Variants in PEBP4 observed in about 807,000 individuals in gnomAD.
The protein encoded by PEBP4 is phosphatidylethanolamine binding protein 4.
Under a neutral mutation model 23.9 loss-of-function variants are expected in PEBP4, and 22 were observed. The observed-to-expected ratio is 0.92, with a 90% CI of 0.66 to 1.31. PEBP4 has a LOEUF of 1.31. Among genes scored for constraint, PEBP4 ranks in the 40% most tolerant of loss-of-function variants. PEBP4 has a pLI of 0.00. For synonymous variants in PEBP4, 112 were observed against 99.3 expected (o/e 1.13, Z -0.76); for missense variants, 324 against 281.7 (o/e 1.15, Z -1.07).
At chr8:22,873,848 T>C (rs908288617) in intron 3 of PEBP4, among the ~76,000 whole-genome samples, 10 of 152,138 alleles carry the variant, frequency 6.6e-5, no homozygotes, top group Admixed American at 5.2e-4. Context: ...ATCTTGATCT[T>C]GGGGGTGTTA....
chr8:22,813,034 C>T (rs1806665319), intron 4 of PEBP4, among the ~76,000 whole-genome samples: 2 of 152,326 alleles, frequency 1.3e-5, no homozygotes, highest in South Asian at 2.1e-4. Context: ...GTGCTACCCA[C>T]ATAACTAGAA....
In PEBP4 at chr8:22,865,077, CAGACGCCG is replaced by C. The variant is rs1336039992; in HGVS notation, c.259-47350_259-47343del. Among the ~76,000 whole-genome samples the C allele has an allele frequency of 6.6e-6, 1 of 152,092 alleles. No individual in the cohort carries two copies. Among genetic ancestry groups the C allele is most frequent in the Non-Finnish European group, 1.5e-5 (1 of 67,996 alleles). On this transcript the variant is annotated intron_variant, in intron 3 of 6. Transcript: ENST00000256404. The surrounding 1 kb of genome is among the most constrained non-coding windows in gnomAD (Gnocchi z 6.9). ...GTCACCAGGCGGGGACCTGCAGGGCCAGACGCCGAGCCCTGGATGCGAGGTGGGGGTAG... is the reference window on the plus strand; with the variant it reads ...GTCACCAGGCGGGGACCTGCAGGGCCAGCCCTGGATGCGAGGTGGGGGTAG...
chr8:22,793,789 A>G (rs1806189007), intron 4 of PEBP4, among the ~76,000 whole-genome samples: 1 of 152,108 alleles, frequency 6.6e-6, no homozygotes, highest in Admixed American at 6.5e-5. Flanking sequence ...TTCTTTATAT[A>G]AATTTAGTGT....
chr8:22,854,003 G>T (rs75852899), intron 3 of PEBP4, among the ~76,000 whole-genome samples: 1 of 152,156 alleles, frequency 6.6e-6, no homozygotes, highest in African/African-American at 2.4e-5. Flanking sequence ...ACCAAAAAAA[G>T]AAATTCATAT....
intron 2 of PEBP4, among the ~76,000 whole-genome samples, chr8:22,926,161 A>G (rs2466223): frequency 0.25 from 38,107 of 151,284 alleles, 5,377 homozygotes; most frequent in East Asian, 0.46. Flanking sequence ...TATTTTTAGT[A>G]GAGACAGGGT....
At position 22,724,975 on chromosome 8, in the gene PEBP4, G is replaced by A; in HGVS notation, c.404-19C>T. On this transcript the variant is annotated intron_variant, in intron 5 of 6. Coordinates refer to ENST00000256404, the MANE Select transcript of PEBP4 (RefSeq NM_144962.3). The stretch of plus-strand genomic sequence containing the variant: ...TGGTAGGCTATAGGTAGAAGCAGGA[G>A]AGAGGTGAGCATCAACATCCCATAC... The A allele has an allele frequency of 6.3e-7, 1 of 1,582,642 alleles. No individual in the cohort carries two copies. Among genetic ancestry groups the A allele is most frequent in the Non-Finnish European group, 8.7e-7 (1 of 1,151,988 alleles).
At chr8:22,731,659 A>G (rs1804736215) in intron 4 of PEBP4, among the ~76,000 whole-genome samples, 1 of 150,004 alleles carries the variant, frequency 6.7e-6, no homozygotes, top group Non-Finnish European at 1.5e-5. Context: ...CTATCTATTT[A>G]TTTATTTATT....
intron 1 of PEBP4, among the ~76,000 whole-genome samples, chr8:22,936,294 A>G (rs1206794186): frequency 6.6e-6 from 1 of 152,040 alleles, no homozygotes; most frequent in African/African-American, 2.4e-5. Flanking sequence ...AAAAAGGGTG[A>G]TAAGAGATTA....
At chr8:22,891,598 G>T (rs1470259696) in intron 3 of PEBP4, among the ~76,000 whole-genome samples, 4 of 152,222 alleles carry the variant, frequency 2.6e-5, no homozygotes, top group African/African-American at 9.6e-5. Context: ...GGGTCCTGTG[G>T]GCAAATGTTC....
At chr8:22,789,960 G>T (rs117236846) in intron 4 of PEBP4, among the ~76,000 whole-genome samples, 1 of 152,270 alleles carries the variant, frequency 6.6e-6, no homozygotes, top group East Asian at 1.9e-4. Context: ...AGGGTGTTGG[G>T]CCTGGCCTTC....
In PEBP4 at chr8:22,726,002, TG is replaced by T. The variant is rs1804617077; in HGVS notation, c.404-1047del. ...TTTTGGATCGCAGATCAGATATATG[TG>T]TGTGTGTGTGTGTGTGTGTGTGTGT... is the stretch of plus-strand genomic sequence containing the variant. On this transcript the variant is annotated intron_variant, in intron 5 of 6. Coordinates refer to ENST00000256404, the MANE Select transcript of PEBP4 (RefSeq NM_144962.3). 3.4e-5 allele frequency among the ~76,000 whole-genome samples: 4 copies of T among 118,620 alleles called. No homozygotes were observed. In the East Asian group the frequency reaches 8.8e-4, roughly 26 times the overall value. The allele number at this position is 118,620 out of a possible 152,430, so 77.8% of individuals were successfully genotyped here.
chr8:22,921,508 CCCTCCCACCTTCCA>C (rs1809199627), intron 2 of PEBP4, among the ~76,000 whole-genome samples: 1 of 152,132 alleles, frequency 6.6e-6, no homozygotes, highest in Non-Finnish European at 1.5e-5. Flanking sequence ...CCTGCATTGC[CCCTCCCACCTTCCA>C]CCTCCCACCC....
At chr8:22,916,054 G>A (rs1328485303) in intron 3 of PEBP4, among the ~76,000 whole-genome samples, 4 of 152,196 alleles carry the variant, frequency 2.6e-5, no homozygotes, top group African/African-American at 9.7e-5. Context: ...GGTGGATAGG[G>A]CACTCAGGGC....
intron 3 of PEBP4, among the ~76,000 whole-genome samples, chr8:22,830,919 A>G (rs958339943): frequency 2.6e-5 from 4 of 152,226 alleles, no homozygotes; most frequent in African/African-American, 9.6e-5. Flanking sequence ...CAAATAGATT[A>G]TGTGATCCTG....
intron 4 of PEBP4, among the ~76,000 whole-genome samples, chr8:22,732,100 C>G: frequency 6.6e-6 from 1 of 152,002 alleles, no homozygotes; most frequent in African/African-American, 2.4e-5. Context: ...GAGAGCAGAC[C>G]AGGAACACCG....
At chr8:22,714,120 G>T (rs1165604519) in intron 6 of PEBP4, among the ~76,000 whole-genome samples, 1 of 152,246 alleles carries the variant, frequency 6.6e-6, no homozygotes, top group Non-Finnish European at 1.5e-5. Flanking sequence ...TGGAGGGGCA[G>T]CCCCTGGACC....
intron 3 of PEBP4, among the ~76,000 whole-genome samples, chr8:22,824,039 A>G (rs1376677833): frequency 6.6e-6 from 1 of 152,194 alleles, no homozygotes; most frequent in Non-Finnish European, 1.5e-5. Flanking sequence ...CTATAATGTC[A>G]TTGTCTATTT....
chr8:22,807,187 A>G (rs1806513643), intron 4 of PEBP4, among the ~76,000 whole-genome samples: 1 of 152,210 alleles, frequency 6.6e-6, no homozygotes. Context: ...CATTTAAAGC[A>G]ATGGCATGTT....
rs189380395 is a variant in PEBP4, at chr8:22,862,993, G to A, written c.259-45258C>T. On this transcript the variant is annotated intron_variant, in intron 3 of 6. Transcript: ENST00000256404. ...TTTTTTTGTATTTTTAGTAGAGATG[G>A]GTTTCACCATGTTAGCCAGGATGGT... Among the ~76,000 whole-genome samples the A allele has an allele frequency of 6.0e-3, 908 of 152,032 alleles. 6 individuals carry two copies. The highest frequency in any genetic ancestry group is 0.01 in the Non-Finnish European group (685 of 67,994).
Sources: gnomAD v4.1 joint callset for allele counts (sites outside exome capture counted in the v4.1 genomes callset) on GRCh38, gnomAD v4.1.1 for gene constraint, Gnocchi (gnomAD v3.1) non-coding constraint, MANE v1.5 for transcripts, NCBI Gene and HGNC (gene_info 2026-07-23, HGNC 2026-07-21) for gene names.